The following AP1S3 variants were observed in gnomAD, a reference collection of about 807,000 sequenced individuals.
AP1S3 encodes adaptor related protein complex 1 subunit sigma 3.
A neutral mutation model predicts 20.9 loss-of-function variants in AP1S3; 10 were observed. The observed-to-expected ratio is 0.48, with a 90% confidence interval of 0.29 to 0.81. The LOEUF (loss-of-function observed/expected upper bound fraction) is 0.81, where lower values mean the gene tolerates loss of function less well. Among genes scored for constraint, AP1S3 ranks in the 30% least tolerant of loss-of-function variants. The probability of loss-of-function intolerance (pLI) is 0.08; values close to 1 mark genes in which losing one functional copy is unlikely to be tolerated. For synonymous variants in AP1S3, 41 were observed against 61.5 expected (o/e 0.67, Z 1.56); for missense variants, 154 against 183.8 (o/e 0.84, Z 0.94).
At chr2:223,767,634 G>T (rs1690514807) in intron 3 of AP1S3, among the ~76,000 whole-genome samples, 1 of 151,760 alleles carries the variant, frequency 6.6e-6, no homozygotes, top group Admixed American at 6.6e-5. Flanking sequence ...TAGATGACTA[G>T]CCCTGATCTC....
intron 1 of AP1S3, among the ~76,000 whole-genome samples, chr2:223,796,956 G>T (rs768835386): frequency 6.6e-6 from 1 of 152,180 alleles, no homozygotes; most frequent in South Asian, 2.1e-4. Context: ...GAGCCACGGC[G>T]CCTGGCCCTC....
At chr2:223,786,071 G>A (rs999255217) in intron 1 of AP1S3, among the ~76,000 whole-genome samples, 1 of 152,192 alleles carries the variant, frequency 6.6e-6, no homozygotes, top group Non-Finnish European at 1.5e-5. Flanking sequence ...GGAGGTATAT[G>A]AGAGATCTCA....
chr2:223,803,467 A>G (rs908476687), intron 1 of AP1S3, among the ~76,000 whole-genome samples: 5 of 152,184 alleles, frequency 3.3e-5, no homozygotes, highest in Non-Finnish European at 7.3e-5. Flanking sequence ...CATGGCACTT[A>G]GGATGGTGGT....
intron 3 of AP1S3, among the ~76,000 whole-genome samples, chr2:223,767,806 C>A (rs1040089013): frequency 6.6e-6 from 1 of 152,152 alleles, no homozygotes; most frequent in African/African-American, 2.4e-5. Flanking sequence ...ATTTCTCCAT[C>A]TAATTCATTC....
chr2:223,798,626 A>C (rs1691399579), intron 1 of AP1S3, among the ~76,000 whole-genome samples: 1 of 152,216 alleles, frequency 6.6e-6, no homozygotes, highest in South Asian at 2.1e-4. Context: ...GGCACAGTAA[A>C]ATTTAATGGA....
chr2:223,803,498 A>T (rs1434128836), intron 1 of AP1S3, among the ~76,000 whole-genome samples: 1 of 152,192 alleles, frequency 6.6e-6, no homozygotes, highest in Non-Finnish European at 1.5e-5. Context: ...TACTCAACGA[A>T]AATTGTTCTT....
chr2:223,797,466 A>T (rs890665536), intron 1 of AP1S3, among the ~76,000 whole-genome samples: 1 of 152,172 alleles, frequency 6.6e-6, no homozygotes, highest in South Asian at 2.1e-4. Flanking sequence ...TCAATTAATA[A>T]TAATAAAACC....
intron 1 of AP1S3, 45 bp downstream of exon 1, chr2:223,837,403 A>G: frequency 8.8e-7 from 1 of 1,138,448 alleles, no homozygotes; most frequent in Non-Finnish European, 1.1e-6. Context: ...CCGGAGCGCG[A>G]GCGCCCCCAC....
At chr2:223,832,080 A>G (rs1325622924) in intron 1 of AP1S3, among the ~76,000 whole-genome samples, 1 of 126,240 alleles carries the variant, frequency 7.9e-6, no homozygotes, top group Non-Finnish European at 1.7e-5. Context: ...CCGTCTCAAA[A>G]AAAAAAAAAT....
chr2:223,800,487 G>A (rs965865794), intron 1 of AP1S3, among the ~76,000 whole-genome samples: 1 of 151,748 alleles, frequency 6.6e-6, no homozygotes, highest in Non-Finnish European at 1.5e-5. Context: ...CTATGATCAG[G>A]CCACTGCACT....
rs1447898975 is a variant in AP1S3, at chr2:223,756,814, C to T, written c.*1901G>A. 1 of 985,092 alleles carries T rather than the reference C, an allele frequency of 1.0e-6. No homozygotes were observed. The highest frequency in any genetic ancestry group is 1.7e-5 in the African/African-American group (1 of 57,162). The allele number at this position is 985,092 out of a possible 1,614,324, so 61.0% of individuals were successfully genotyped here. On this transcript the variant is annotated 3_prime_UTR_variant, in exon 5 of 5. Coordinates refer to ENST00000396654, the MANE Select transcript of AP1S3 (RefSeq NM_001039569.2). Reference sequence around the variant, plus strand: ...TCCATCGAGTTCTCTAAAAATCTACCAGATGGGATCTCCTAAAGAATCCAA... The same window carrying T: ...TCCATCGAGTTCTCTAAAAATCTACTAGATGGGATCTCCTAAAGAATCCAA...
At chr2:223,828,058 T>TAAAAAAAAAAAAAAAAAAA (rs527671959) in intron 1 of AP1S3, among the ~76,000 whole-genome samples, 10 of 94,680 alleles carry the variant, frequency 1.1e-4, no homozygotes, top group Non-Finnish European at 1.8e-4. Flanking sequence ...AGACTTCATC[T>TAAAAAAAAAAAAAAAAAAA]AAAAAAAAAA....
intron 1 of AP1S3, among the ~76,000 whole-genome samples, chr2:223,788,775 AAAAAAAG>A (rs1347424804): frequency 3.3e-5 from 5 of 150,794 alleles, no homozygotes; most frequent in African/African-American, 1.2e-4. Context: ...AAAAAAAAAA[AAAAAAAG>A]AAGAAGAAGA....
chr2:223,776,385 C>T (rs1210532296), intron 2 of AP1S3, among the ~76,000 whole-genome samples: 1 of 152,174 alleles, frequency 6.6e-6, no homozygotes, highest in Non-Finnish European at 1.5e-5. Context: ...CCACGCTCCC[C>T]ACCCTCCCAC....
At chr2:223,778,391 G>T (rs1690842569) in intron 1 of AP1S3, among the ~76,000 whole-genome samples, 1 of 152,012 alleles carries the variant, frequency 6.6e-6, no homozygotes, top group Admixed American at 6.6e-5. Flanking sequence ...CTCCCAAAGT[G>T]CTGGGATTAC....
At chr2:223,793,747 A>G (rs1002411835) in intron 1 of AP1S3, among the ~76,000 whole-genome samples, 1 of 152,092 alleles carries the variant, frequency 6.6e-6, no homozygotes, top group African/African-American at 2.4e-5. Context: ...AACCTATTCA[A>G]TCTAAAACTT....
chr2:223,780,302 T>G (rs866188277), intron 1 of AP1S3, among the ~76,000 whole-genome samples: 4 of 49,614 alleles, frequency 8.1e-5, no homozygotes, highest in Non-Finnish European at 1.1e-4. Flanking sequence ...TATATATATA[T>G]ATATATAGAG....
chr2:223,823,281 C>G (rs1468891903), intron 1 of AP1S3, among the ~76,000 whole-genome samples: 1 of 152,166 alleles, frequency 6.6e-6, no homozygotes, highest in Non-Finnish European at 1.5e-5. Context: ...GGAGGAGATA[C>G]CTGCAATCCC....
intron 1 of AP1S3, among the ~76,000 whole-genome samples, chr2:223,810,587 G>GCTCA: frequency 1.3e-5 from 2 of 152,318 alleles, no homozygotes; most frequent in East Asian, 1.9e-4. Context: ...GAGATTACAG[G>GCTCA]CGTGAGCCTC....
Sources: gnomAD v4.1 joint callset for allele counts (sites outside exome capture counted in the v4.1 genomes callset) on GRCh38, gnomAD v4.1.1 for gene constraint, MANE v1.5 for transcripts, NCBI Gene and HGNC (gene_info 2026-07-23, HGNC 2026-07-21) for gene names.